SEZ6L: variants seen among roughly 807,000 people sequenced by gnomAD.
SEZ6L encodes seizure 6-like protein.
A neutral mutation model predicts 106.2 loss-of-function variants in SEZ6L; 37 were observed. The observed-to-expected ratio is 0.35, with a 90% confidence interval of 0.27 to 0.46. The LOEUF (loss-of-function observed/expected upper bound fraction) is 0.46, where lower values mean the gene tolerates loss of function less well. Among genes scored for constraint, SEZ6L ranks in the 20% least tolerant of loss-of-function variants. SEZ6L has a pLI of 1.00. For synonymous variants in SEZ6L, 541 were observed against 570.4 expected (o/e 0.95, Z 0.73); for missense variants, 1,172 against 1,332.8 (o/e 0.88, Z 1.88).
rs143592734 is a variant in SEZ6L at position 26,324,495 on chromosome 22, G to C, written c.2015+10593G>C. Among the ~76,000 whole-genome samples, 112 of 152,304 alleles carry C rather than the reference G, an allele frequency of 7.4e-4. 1 individual carries two copies. Among genetic ancestry groups the C allele is most frequent in the African/African-American group, 2.6e-3 (109 of 41,568 alleles). Reference sequence around the variant, plus strand: ...AAGTGCCTTGTCCAGAGGCACTTCAGTTCTTCAAACAGAGATATAGCTGCT... The same window carrying C: ...AAGTGCCTTGTCCAGAGGCACTTCACTTCTTCAAACAGAGATATAGCTGCT... On this transcript the variant is annotated intron_variant, in intron 9 of 16. Coordinates refer to ENST00000248933, the MANE Select transcript of SEZ6L (RefSeq NM_021115.5).
chr22:26,185,964 T>C (rs1939750843), intron 1 of SEZ6L, among the ~76,000 whole-genome samples: 1 of 152,134 alleles, frequency 6.6e-6, no homozygotes, highest in South Asian at 2.1e-4. Context: ...CCTGTTCTCC[T>C]GCCTCCTCTA....
intron 1 of SEZ6L, among the ~76,000 whole-genome samples, chr22:26,215,823 G>T (rs2078282583): frequency 6.6e-6 from 1 of 152,178 alleles, no homozygotes; most frequent in South Asian, 2.1e-4. Flanking sequence ...TTCGCCTGGG[G>T]TGAGCAGGGA....
chr22:26,376,807 G>A (rs1253718685), intron 15 of SEZ6L, among the ~76,000 whole-genome samples: 1 of 152,172 alleles, frequency 6.6e-6, no homozygotes, highest in African/African-American at 2.4e-5. Context: ...CAGGGAAACA[G>A]CATGTGCAAA....
rs756543706 is a variant in SEZ6L at position 26,306,159 on chromosome 22, G to A, written c.1514+15G>A. 22 of 1,610,638 alleles carry A rather than the reference G, an allele frequency of 1.4e-5. No individual in the cohort carries two copies. In the South Asian group the frequency reaches 1.9e-4, roughly 14 times the overall value. ...GACAAGGACAGGTAAAGCTCTGAAG[G>A]TCCACACCCAACCCCGTTTCTTCCC... On this transcript the variant is annotated intron_variant, in intron 6 of 16. Coordinates refer to ENST00000248933, the MANE Select transcript of SEZ6L (RefSeq NM_021115.5).
chr22:26,315,883 C>A (rs553005028), intron 9 of SEZ6L, among the ~76,000 whole-genome samples: 1 of 151,994 alleles, frequency 6.6e-6, no homozygotes, highest in African/African-American at 2.4e-5. Flanking sequence ...CATAGTGAGA[C>A]CCCATCTTTA....
chr22:26,294,088 C>A (rs1285778708), intron 2 of SEZ6L, among the ~76,000 whole-genome samples: 3 of 152,162 alleles, frequency 2.0e-5, no homozygotes, highest in Admixed American at 6.5e-5. Context: ...TGGTGCCTAG[C>A]AGGATATAGT....
intron 1 of SEZ6L, among the ~76,000 whole-genome samples, chr22:26,281,551 A>T (rs916641771): frequency 8.6e-5 from 13 of 151,068 alleles, no homozygotes; most frequent in South Asian, 2.1e-4. Context: ...CTTTTTTTAA[A>T]TTTTTTTTAG....
At chr22:26,207,914 T>A (rs1418488916) in intron 1 of SEZ6L, among the ~76,000 whole-genome samples, 1 of 143,992 alleles carries the variant, frequency 6.9e-6, no homozygotes, top group Non-Finnish European at 1.5e-5. Flanking sequence ...ATGTGTATTT[T>A]TTTTTTTTTT....
intron 1 of SEZ6L, among the ~76,000 whole-genome samples, chr22:26,279,639 G>C (rs1020858812): frequency 2.0e-5 from 3 of 152,176 alleles, no homozygotes; most frequent in Non-Finnish European, 4.4e-5. Context: ...TCAGGATGGG[G>C]CCAGGGCACT....
chr22:26,243,337 G>A (rs1456034984), intron 1 of SEZ6L, among the ~76,000 whole-genome samples: 7 of 152,220 alleles, frequency 4.6e-5, no homozygotes. Context: ...AAGTGAAGCA[G>A]GGTTAAGGAG....
At chr22:26,313,976 A>C in intron 9 of SEZ6L, 74 bp downstream of exon 9, 5 of 1,477,486 alleles carry the variant, frequency 3.4e-6, no homozygotes, top group Non-Finnish European at 4.7e-6. Flanking sequence ...CTCCTGCTTT[A>C]TTCTTTCAAC....
intron 1 of SEZ6L, among the ~76,000 whole-genome samples, chr22:26,171,678 T>C (rs1938619583): frequency 6.6e-6 from 1 of 152,346 alleles, no homozygotes; most frequent in Admixed American, 6.5e-5. Context: ...ACACCATGGC[T>C]AGCCAGCATA....
rs570758285 is a variant in SEZ6L at position 26,323,963 on chromosome 22, G to A, written c.2015+10061G>A. 9.9e-5 allele frequency among the ~76,000 whole-genome samples: 15 copies of A among 152,094 alleles called. No individual in the cohort carries two copies. In the South Asian group the frequency reaches 2.9e-3, roughly 29 times the overall value. ...ACTCCTTTGTACAGATGAAGAAACT[G>A]AGGCTGAGAGAGATGAAACTGCTTG... On this transcript the variant is annotated intron_variant, in intron 9 of 16. Transcript: ENST00000248933.
chr22:26,371,449 A>G (rs1014861990), intron 13 of SEZ6L, among the ~76,000 whole-genome samples: 5 of 152,072 alleles, frequency 3.3e-5, no homozygotes, highest in Admixed American at 3.3e-4. Flanking sequence ...CCAAACTGAA[A>G]AGAAAATAAA....
chr22:26,234,974 T>C (rs1419646734), intron 1 of SEZ6L, among the ~76,000 whole-genome samples: 1 of 152,216 alleles, frequency 6.6e-6, no homozygotes, highest in Non-Finnish European at 1.5e-5. Context: ...AGGAATTCAA[T>C]AAATGTTAGT....
At chr22:26,250,807 A>AT (rs1251592093) in intron 1 of SEZ6L, among the ~76,000 whole-genome samples, 1 of 151,936 alleles carries the variant, frequency 6.6e-6, no homozygotes, top group Admixed American at 6.6e-5. Context: ...ATGTCTTTCT[A>AT]TTTTTTTGTG....
rs76786828 is a variant in SEZ6L, at chr22:26,330,590, A to T, written c.2016-9846A>T. On this transcript the variant is annotated intron_variant, in intron 9 of 16. Transcript: ENST00000248933. ...CTAGGAGCTGCAAGGGGCTTGGTGT[A>T]CTGGATGTTTGAGACAGCAAGAGAT... is the stretch of plus-strand genomic sequence containing the variant. Among the ~76,000 whole-genome samples the T allele has an allele frequency of 5.6e-3, 854 of 152,254 alleles. 4 individuals are homozygous for T. Among genetic ancestry groups the T allele is most frequent in the African/African-American group, 0.02 (823 of 41,544 alleles).
chr22:26,209,230 T>C (rs551074444), intron 1 of SEZ6L, among the ~76,000 whole-genome samples: 1 of 152,340 alleles, frequency 6.6e-6, no homozygotes, highest in South Asian at 2.1e-4. Flanking sequence ...TAGATCATCA[T>C]GGAGTGGGTC....
chr22:26,244,785 C>G (rs999999435), intron 1 of SEZ6L: 1 of 152,090 alleles, frequency 6.6e-6, no homozygotes, highest in Admixed American at 6.5e-5. Context: ...AGGAGCTATA[C>G]GAGGCACCAG....
Sources: gnomAD v4.1 joint callset for allele counts (sites outside exome capture counted in the v4.1 genomes callset) on GRCh38, gnomAD v4.1.1 for gene constraint, MANE v1.5 for transcripts, NCBI Gene and HGNC (gene_info 2026-07-23, HGNC 2026-07-21) for gene names.